The following HELB variants were observed in gnomAD, a reference collection of about 807,000 sequenced individuals.
HELB encodes the protein DNA 5'-3' helicase B.
A neutral mutation model predicts 101.7 loss-of-function variants in HELB; 96 were observed. That is an observed-to-expected ratio of 0.94 (90% CI 0.80 to 1.12). The LOEUF (loss-of-function observed/expected upper bound fraction) is 1.12. HELB is among the 50% of genes most tolerant of loss of function. HELB has a pLI of 0.00. For missense variants in HELB, 1,210 were observed against 1,291.9 expected, an observed-to-expected ratio of 0.94 and a Z score of 0.97; for synonymous variants, 437 against 459.7, an observed-to-expected ratio of 0.95 and a Z score of 0.63.
rs1160970841 is a variant in HELB at position 66,302,553 on chromosome 12, T to C, written c.-51T>C. 7 of 1,549,852 alleles carry C rather than the reference T, an allele frequency of 4.5e-6. No individual in the cohort carries two copies. The highest frequency in any genetic ancestry group is 2.3e-5 in the East Asian group (1 of 44,362). ...AGAACTGATTGGCTGATCATGACCA[T>C]GCAGTTAGCCAGGGTTTTCCCGAGT... On this transcript the variant is annotated 5_prime_UTR_variant, in exon 1 of 13. The change abolishes an upstream ATG in the 5' untranslated region. Transcript: ENST00000247815.
rs143944161 is a variant in HELB, at chr12:66,327,949, G to A, written c.2670+2823G>A. ...ACATTTTATCCAAAGATTTGAAGAA[G>A]GAAAAGAAGTTAGTCATGTGAGTAT... On this transcript the variant is annotated intron_variant, in intron 11 of 12. Transcript: ENST00000247815. 4.0e-3 allele frequency among the ~76,000 whole-genome samples: 616 copies of A among 152,214 alleles called. 3 individuals are homozygous for A. Among genetic ancestry groups the A allele is most frequent in the Non-Finnish European group, 6.2e-3 (424 of 68,018 alleles).
chr12:66,311,136 C>T (rs1012334863), intron 4 of HELB, among the ~76,000 whole-genome samples: 5 of 147,690 alleles, frequency 3.4e-5, no homozygotes. Flanking sequence ...GCACTGCTTC[C>T]TTCTTTGAGT....
rs770097014 is a variant in HELB at position 66,331,229 on chromosome 12, G to A, written c.2746G>A (p.Val916Met). Residue 916 changes from valine to methionine, a missense_variant, in exon 12 of 13, where the codon GTG (valine) becomes ATG (methionine). Transcript: ENST00000247815. ...GCACTGGCAGCATGTCTACACCGCC[G>A]TGACCAGGGGCCGCTGCCGAGTGTA... The part of the protein sequence containing the change: ...RQHWQHVYTA[V>M]TRGRCRVYVI... 3.7e-6 allele frequency: 6 copies of A among 1,614,196 alleles called. No individual in the cohort carries two copies. Among genetic ancestry groups the A allele is most frequent in the South Asian group, 1.1e-5 (1 of 91,086 alleles).
At chr12:66,332,239 C>T (rs1321367336) in intron 12 of HELB, among the ~76,000 whole-genome samples, 1 of 152,146 alleles carries the variant, frequency 6.6e-6, no homozygotes, top group African/African-American at 2.4e-5. Context: ...CTTAGAATCA[C>T]CATGGACTCG....
Position 66,325,008 on chromosome 12 carries a change from A to G in HELB, c.2552A>G (p.Lys851Arg). 6.2e-7 allele frequency: 1 copy of G among 1,612,664 alleles called. No homozygotes were observed. Among genetic ancestry groups the G allele is most frequent in the Non-Finnish European group, 8.5e-7 (1 of 1,178,796 alleles). ...TNDVTDVTFG[K>R]RRSLTINNMA... ...GATGTAACTGATGTAACTTTTGGAA[A>G]GAGAAGATCTTTGACCATTAATAAT... The change falls in exon 11 of 13, where the codon AAG (lysine) becomes AGG (arginine). Residue 851 changes from lysine to arginine, a missense_variant. This residue lies in a region of HELB where 740 missense variants were observed against 728.8 expected (regional missense o/e 1.02). Transcript: ENST00000247815.
In HELB at chr12:66,310,385, G is replaced by A; in HGVS notation, c.1457G>A (p.Ser486Asn). Residue 486 changes from serine to asparagine, a missense_variant, in exon 4 of 13, where the codon AGC (serine) becomes AAC (asparagine). By Grantham distance (46) the Ser-to-Asn change is conservative. Transcript: ENST00000247815. ...GGATGTGGGAAGACCACAATCGTTAGCCGTCTTTTTAAGCATATAGAGCAG... is the reference window on the plus strand; with the variant it reads ...GGATGTGGGAAGACCACAATCGTTAACCGTCTTTTTAAGCATATAGAGCAG... ...KGGCGKTTIV[S>N]RLFKHIEQLE... 6.2e-7 allele frequency: 1 copy of A among 1,614,162 alleles called. No homozygotes were observed. Among genetic ancestry groups the A allele is most frequent in the Non-Finnish European group, 8.5e-7 (1 of 1,180,014 alleles).
At chr12:66,328,336 C>T (rs554152808) in intron 11 of HELB, among the ~76,000 whole-genome samples, 2 of 152,138 alleles carry the variant, frequency 1.3e-5, no homozygotes, top group South Asian at 4.2e-4. Flanking sequence ...CTGAGGTGGG[C>T]AGGTCAATTG....
rs576508930 is a variant in HELB at position 66,317,721 on chromosome 12, G to T, written c.2001-917G>T. Among the ~76,000 whole-genome samples the T allele has an allele frequency of 7.8e-4, 119 of 152,250 alleles. 1 individual carries two copies. The South Asian group carries it at 0.024, about 30-fold the overall frequency. ...GATCCCTGCTATATACCAGGGAAACGGTCCTGGAGATAGAAGGTGCTACAT... is the reference window on the plus strand; with the variant it reads ...GATCCCTGCTATATACCAGGGAAACTGTCCTGGAGATAGAAGGTGCTACAT... On this transcript the variant is annotated intron_variant, in intron 6 of 12. Coordinates refer to ENST00000247815, the MANE Select transcript of HELB (RefSeq NM_001370285.1).
At chr12:66,308,163 T>C (rs1029362230) in intron 3 of HELB, among the ~76,000 whole-genome samples, 5 of 152,104 alleles carry the variant, frequency 3.3e-5, no homozygotes, top group African/African-American at 1.2e-4. Context: ...CTCCCCATTG[T>C]GGGCATTAAG....
rs2053707033 is a variant in HELB at position 66,324,114 on chromosome 12, A to G, written c.2429A>G (p.Glu810Gly). Residue 810 changes from glutamate to glycine, a missense_variant, in exon 10 of 13, where the codon GAA becomes GGA. By Grantham distance (98) the Glu-to-Gly change is moderately conservative. This residue lies in a region of HELB where 740 missense variants were observed against 728.8 expected (regional missense o/e 1.02). Coordinates refer to ENST00000247815, the MANE Select transcript of HELB (RefSeq NM_001370285.1). ...QQNNDLDASS[E>G]DFSGTLPDFA... ...AATAATGATCTAGATGCCAGTAGTG[A>G]AGACTTTTCTGGTACGCTTCCTGAT... 1 of 1,613,936 alleles carries G rather than the reference A, an allele frequency of 6.2e-7. No individual in the cohort carries two copies. The highest frequency in any genetic ancestry group is 2.2e-5 in the East Asian group (1 of 44,828).
chr12:66,306,723 A>C lies in HELB; in HGVS notation c.777+209A>C, dbSNP rs1238739712. On this transcript the variant is annotated intron_variant, in intron 3 of 12. Coordinates refer to ENST00000247815, the MANE Select transcript of HELB (RefSeq NM_001370285.1). ...AGAACATTTTATAAGTTGTTATGCA[A>C]CTTGTAAAGTTGCATAAATTTGTAA... Among the ~76,000 whole-genome samples, 7 of 152,314 alleles carry C rather than the reference A, an allele frequency of 4.6e-5. No individual in the cohort carries two copies. In the South Asian group the frequency reaches 1.2e-3, roughly 27 times the overall value.
rs142998812 is a variant in HELB at position 66,302,768 on chromosome 12, C to T, written c.165C>T (p.Gly55=). The part of the protein sequence containing the change: ...EELCSGGVKA[G]SLPGCLRVSI... ...TCTGCAGTGGGGGCGTAAAGGCTGGCAGCCTCCCCGGGTGCCTCCGCGGTG... is the reference window on the plus strand; with the variant it reads ...TCTGCAGTGGGGGCGTAAAGGCTGGTAGCCTCCCCGGGTGCCTCCGCGGTG... The change falls in exon 1 of 13, where the codon GGC becomes GGT. Residue 55 remains glycine (G), a synonymous_variant. Transcript: ENST00000247815. The T allele has an allele frequency of 7.4e-6, 12 of 1,611,906 alleles. No individual in the cohort carries two copies. Among genetic ancestry groups the T allele is most frequent in the Non-Finnish European group, 9.3e-6 (11 of 1,178,600 alleles).
intron 4 of HELB, 149 bp downstream of exon 4, chr12:66,310,757 C>T: frequency 1.4e-6 from 1 of 698,326 alleles, no homozygotes; most frequent in East Asian, 2.7e-5. Context: ...ATGGTGGAAC[C>T]CTGTCTCTAC....
intron 12 of HELB, among the ~76,000 whole-genome samples, chr12:66,334,935 T>C (rs1161603337): frequency 6.6e-6 from 1 of 151,794 alleles, no homozygotes; most frequent in Non-Finnish European, 1.5e-5. Context: ...TAATCTGTGG[T>C]TGGAGTGTGG....
At position 66,310,595 on chromosome 12, in the gene HELB, A is replaced by G. The variant is rs772248234; in HGVS notation, c.1667A>G (p.Tyr556Cys). 6.2e-7 allele frequency: 1 copy of G among 1,610,972 alleles called. No homozygotes were observed. The highest frequency in any genetic ancestry group is 8.5e-7 in the Non-Finnish European group (1 of 1,179,062). The change falls in exon 4 of 13, where the codon TAC becomes TGC. Residue 556 changes from tyrosine to cysteine, a missense_variant. Around this residue, in one of 2 missense-constraint regions of HELB, gnomAD observed 740 missense variants for 728.8 expected, o/e 1.02. Transcript: ENST00000247815. ...AGACAGAAAACTGGTCTTCATGCCT[A>G]CACACTGTGTCAGGTAAAACCTTTG... ...LLRQKTGLHA[Y>C]TLCQVNYSFY...
chr12:66,334,092 C>T (rs188039918), intron 12 of HELB, among the ~76,000 whole-genome samples: 2 of 152,012 alleles, frequency 1.3e-5, no homozygotes, highest in East Asian at 1.9e-4. Context: ...ACTGAGAGGT[C>T]GAGGCTGCAG....
At chr12:66,321,786 T>G in intron 7 of HELB, 162 bp from the exon 8 acceptor site, 3 of 518,860 alleles carry the variant, frequency 5.8e-6, no homozygotes, top group Non-Finnish European at 7.0e-6. Flanking sequence ...TTGCCCTGGC[T>G]GATGTGGGGA....
chr12:66,338,666 AAAC>A (rs1007177712), downstream of HELB: 16 of 151,924 alleles, frequency 1.1e-4, no homozygotes, highest in East Asian at 3.9e-4. Flanking sequence ...ACAAACAAAC[AAAC>A]AAAAAAAAAC....
At position 66,312,743 on chromosome 12, in the gene HELB, C is replaced by T. The variant is rs936597817; in HGVS notation, c.1681-1243C>T. Among the ~76,000 whole-genome samples, 30 of 152,126 alleles carry T rather than the reference C, an allele frequency of 2.0e-4. No individual in the cohort carries two copies. The East Asian group carries it at 3.3e-3, about 17-fold the overall frequency. ...AGAGCACGGAAAGAGCACTGGAGTG[C>T]CATTTATCATCCTTGGACTAGGGTT... On this transcript the variant is annotated intron_variant, in intron 4 of 12. Transcript: ENST00000247815.
Sources: allele counts gnomAD v4.1 joint callset (sites outside exome capture counted in the v4.1 genomes callset), GRCh38; gene constraint gnomAD v4.1.1; regional missense constraint gnomAD v4.1.1; transcripts MANE v1.5; gene names NCBI Gene and HGNC (gene_info 2026-07-23, HGNC 2026-07-21).